The following ZNF398 variants were observed in gnomAD, a reference collection of about 807,000 sequenced individuals.
ZNF398 encodes the protein zinc finger DNA binding protein ZER6.
A neutral mutation model predicts 41.9 loss-of-function variants in ZNF398; 18 were observed. The ratio of observed to expected loss-of-function variants is 0.43; its 90% CI spans 0.30 to 0.64. ZNF398 has a LOEUF of 0.64. ZNF398 is among the 30% of genes least tolerant of loss of function. The pLI, the probability that ZNF398 is intolerant of heterozygous loss-of-function variation, is 0.14. For missense variants in ZNF398, 669 were observed against 822.8 expected (o/e 0.81, Z 2.29); for synonymous variants, 260 against 308.8 (o/e 0.84, Z 1.66).
At position 149,147,814 on chromosome 7, in the gene ZNF398, C is replaced by A; in HGVS notation, c.24+48C>A. 7.4e-7 allele frequency: 1 copy of A among 1,346,376 alleles called. No homozygotes were observed. Among genetic ancestry groups the A allele is most frequent in the Non-Finnish European group, 9.6e-7 (1 of 1,046,916 alleles). 83.4% of individuals were successfully genotyped at this position (1,346,376 alleles called of 1,614,324 possible). A position where few individuals can be genotyped will look rare whatever the true frequency, so the allele number is the denominator to read the frequency against. On this transcript the variant is annotated intron_variant, in intron 1 of 5. Transcript: ENST00000475153. This position sits in a 1 kb window ranked among gnomAD's most constrained non-coding sequence, Gnocchi z 5.6. ...GTTGTGAGCCCCCGAGACCCAGACCCCGAGGGAGGAAGGCGGGCGGGCAGG... is the reference window on the plus strand; with the variant it reads ...GTTGTGAGCCCCCGAGACCCAGACCACGAGGGAGGAAGGCGGGCGGGCAGG...
In ZNF398 at chr7:149,178,833, G is replaced by C; in HGVS notation, c.961G>C (p.Glu321Gln). ...AGCCACTGACCTGCCTGAAGCCTCTGAGGGACAAGTGACTTTTACTCAGTT... is the reference window on the plus strand; with the variant it reads ...AGCCACTGACCTGCCTGAAGCCTCTCAGGGACAAGTGACTTTTACTCAGTT... Reference protein sequence around the residue: ...RPATDLPEASEGQVTFTQLGS... With the variant: ...RPATDLPEASQGQVTFTQLGS... Residue 321 changes from glutamate (E) to glutamine (Q), a missense_variant, in exon 6 of 6, where the codon GAG becomes CAG. Coordinates refer to ENST00000475153, the MANE Select transcript of ZNF398 (RefSeq NM_170686.3). 1.2e-6 allele frequency: 2 copies of C among 1,614,160 alleles called. No individual in the cohort carries two copies. Among genetic ancestry groups the C allele is most frequent in the Non-Finnish European group, 1.7e-6 (2 of 1,180,032 alleles).
In ZNF398 at chr7:149,177,142, C is replaced by T. The variant is rs78889903; in HGVS notation, c.775+561C>T. ...TGTTTTTTTTTTAGTATTTTCTGTG[C>T]TCTGTGTTCTTTTAGACTGGGAAAC... is the stretch of plus-strand genomic sequence containing the variant. On this transcript the variant is annotated intron_variant, in intron 5 of 5. Coordinates refer to ENST00000475153, the MANE Select transcript of ZNF398 (RefSeq NM_170686.3). Among the ~76,000 whole-genome samples, 1,329 of 151,934 alleles carry T rather than the reference C, an allele frequency of 8.7e-3. 8 individuals are homozygous for T. Among genetic ancestry groups the T allele is most frequent in the African/African-American group, 0.015 (635 of 41,452 alleles).
chr7:149,172,479 C>T (rs1441980972), intron 4 of ZNF398, among the ~76,000 whole-genome samples: 1 of 151,972 alleles, frequency 6.6e-6, no homozygotes, highest in Non-Finnish European at 1.5e-5. Context: ...AATAATTGCC[C>T]CAAACTGCAA....
rs1453860566 is a variant in ZNF398, at chr7:149,181,221, T to C, written c.*1420T>C. 6.6e-6 allele frequency: 1 copy of C among 152,652 alleles called. No individual in the cohort carries two copies. The highest frequency in any genetic ancestry group is 1.5e-5 in the Non-Finnish European group (1 of 68,050). 9.5% of individuals were successfully genotyped at this position (152,652 alleles called of 1,614,324 possible). On this transcript the variant is annotated 3_prime_UTR_variant, in exon 6 of 6. Transcript: ENST00000475153. ...GATACATTCCTTTTCCTGCCAAAGT[T>C]CTGTCTCTGTCTTTGGCTTCTGTCC...
intron 4 of ZNF398, among the ~76,000 whole-genome samples, chr7:149,173,381 A>G (rs1441770692): frequency 1.3e-5 from 2 of 152,088 alleles, no homozygotes; most frequent in Non-Finnish European, 2.9e-5. Context: ...TTCTGGGATT[A>G]CAAGCGTGAG....
chr7:149,153,750 C>T (rs1047242329), intron 1 of ZNF398, among the ~76,000 whole-genome samples, 195 bp from the exon 2 acceptor site: 3 of 152,162 alleles, frequency 2.0e-5, no homozygotes, highest in African/African-American at 7.2e-5. Context: ...CCAATCTATC[C>T]CAGAACCACC....
chr7:149,133,941 G>C (rs1826659932), intron 2 of ZNF398, among the ~76,000 whole-genome samples: 1 of 147,960 alleles, frequency 6.8e-6, no homozygotes, highest in African/African-American at 2.5e-5. Context: ...AGTAGAGACG[G>C]AGTTTCTCCA....
intron 5 of ZNF398, 110 bp downstream of exon 5, chr7:149,176,691 G>A (rs921239796): frequency 4.6e-6 from 3 of 649,730 alleles, no homozygotes; most frequent in South Asian, 2.2e-5. Flanking sequence ...AGAAGAATGA[G>A]GGAAAGAAAA....
chr7:149,127,453 T>A (rs1826505537), intron 1 of ZNF398, among the ~76,000 whole-genome samples: 1 of 146,794 alleles, frequency 6.8e-6, no homozygotes, highest in African/African-American at 2.5e-5. Context: ...ACGCCTGTAA[T>A]CCCAGCACTT....
At position 149,179,930 on chromosome 7, in the gene ZNF398, A is replaced by G. The variant is rs938224097; in HGVS notation, c.*129A>G. Reference sequence around the variant, plus strand: ...GGCACATCAATGAATTTGGGGTCCTATACACTTGACTAGAGACATGCTTGT... The same window carrying G: ...GGCACATCAATGAATTTGGGGTCCTGTACACTTGACTAGAGACATGCTTGT... On this transcript the variant is annotated 3_prime_UTR_variant, in exon 6 of 6. Transcript: ENST00000475153. This position sits in a 1 kb window ranked among gnomAD's most constrained non-coding sequence, Gnocchi z 6.1. 3 of 799,810 alleles carry G rather than the reference A, an allele frequency of 3.8e-6. No homozygotes were observed. The highest frequency in any genetic ancestry group is 3.7e-6 in the Non-Finnish European group (2 of 547,824). 49.5% of individuals were successfully genotyped at this position (799,810 alleles called of 1,614,324 possible).
At chr7:149,140,011 T>C (rs1357326313) in intron 2 of ZNF398, among the ~76,000 whole-genome samples, 1 of 151,738 alleles carries the variant, frequency 6.6e-6, no homozygotes, top group East Asian at 1.9e-4. Flanking sequence ...AAAAAAATAA[T>C]AAAATAAAAT....
intron 2 of ZNF398, among the ~76,000 whole-genome samples, chr7:149,139,235 T>C (rs554744946): frequency 6.6e-6 from 1 of 152,062 alleles, no homozygotes; most frequent in East Asian, 1.9e-4. Context: ...AGTTTTAATT[T>C]TTTTTGTAAA....
At chr7:149,139,714 A>G (rs766547046) in intron 2 of ZNF398, among the ~76,000 whole-genome samples, 15 of 130,008 alleles carry the variant, frequency 1.2e-4, no homozygotes, top group Non-Finnish European at 1.6e-4. Context: ...AAATAAATAA[A>G]TAAAAATTTG....
intron 5 of ZNF398, 108 bp from the exon 6 acceptor site, chr7:149,178,540 T>A (rs1202461): frequency 0.89 from 805,347 of 906,754 alleles, 358,229 homozygotes; most frequent in East Asian, 0.96. Flanking sequence ...CCTTCTGCTG[T>A]ATTTCTGATC....
Position 149,137,762 on chromosome 7 carries a change from T to A in ZNF398, c.-490+8818T>A, listed in dbSNP as rs371662591. Among the ~76,000 whole-genome samples, 35 of 151,724 alleles carry A rather than the reference T, an allele frequency of 2.3e-4. No homozygotes were observed. In the East Asian group the frequency reaches 2.7e-3, roughly 12 times the overall value. On this transcript the variant is annotated intron_variant, in intron 2 of 6. Coordinates refer to the ZNF398 transcript ENST00000426851. Reference sequence around the variant, plus strand: ...TTTTTATTGTGAGTAAATGTGAATATTTGTTTTGTCAAATCATTTTTCTGC... The same window carrying A: ...TTTTTATTGTGAGTAAATGTGAATAATTGTTTTGTCAAATCATTTTTCTGC...
intron 2 of ZNF398, among the ~76,000 whole-genome samples, chr7:149,159,871 A>G (rs773274290): frequency 6.6e-6 from 1 of 151,868 alleles, no homozygotes; most frequent in African/African-American, 2.4e-5. Context: ...GACTAAAAGC[A>G]TGCACCACCA....
At chr7:149,157,310 G>A (rs1017445961) in intron 2 of ZNF398, among the ~76,000 whole-genome samples, 3 of 151,976 alleles carry the variant, frequency 2.0e-5, no homozygotes, top group Non-Finnish European at 2.9e-5. Flanking sequence ...CGAGGCGGGC[G>A]GATCACGAGG....
chr7:149,141,991 C>G (rs548921745), intron 2 of ZNF398, among the ~76,000 whole-genome samples: 1 of 152,128 alleles, frequency 6.6e-6, no homozygotes, highest in Non-Finnish European at 1.5e-5. Context: ...CTTTGCCACT[C>G]AGGCTGGAAT....
At chr7:149,162,711 A>G (rs1473183218) in intron 2 of ZNF398, among the ~76,000 whole-genome samples, 2 of 152,182 alleles carry the variant, frequency 1.3e-5, no homozygotes, top group Non-Finnish European at 2.9e-5. Context: ...GAGGCAACAA[A>G]TGAGTAGAGG....
Sources: gnomAD v4.1 joint callset for allele counts (sites outside exome capture counted in the v4.1 genomes callset) on GRCh38, gnomAD v4.1.1 for gene constraint, Gnocchi (gnomAD v3.1) non-coding constraint, MANE v1.5 for transcripts, NCBI Gene and HGNC (gene_info 2026-07-23, HGNC 2026-07-21) for gene names.